CFAP54: variants seen among roughly 807,000 people sequenced by gnomAD.
CFAP54 encodes cilia- and flagella-associated protein 54.
Under a neutral mutation model 370.4 loss-of-function variants are expected in CFAP54, and 290 were observed. The ratio of observed to expected loss-of-function variants is 0.78; its 90% CI spans 0.71 to 0.86. CFAP54 has a LOEUF of 0.86. Among genes scored for constraint, CFAP54 ranks in the 40% least tolerant of loss-of-function variants. The pLI is 0.00. For synonymous variants in CFAP54, 1,206 were observed against 1,236.5 expected, an observed-to-expected ratio of 0.98 and a Z score of 0.52; for missense variants, 3,399 against 3,528.7, an observed-to-expected ratio of 0.96 and a Z score of 0.93.
intron 50 of CFAP54, among the ~76,000 whole-genome samples, chr12:96,727,152 G>A (rs1170420957): frequency 6.6e-6 from 1 of 151,828 alleles, no homozygotes; most frequent in Non-Finnish European, 1.5e-5. Context: ...TGTATATTCT[G>A]TTGATTTGGG....
intron 1 of CFAP54, among the ~76,000 whole-genome samples, chr12:96,500,102 A>G (rs1363079243): frequency 6.6e-6 from 1 of 152,216 alleles, no homozygotes; most frequent in African/African-American, 2.4e-5. Flanking sequence ...CATCCAGACA[A>G]TGGGATATTA....
intron 50 of CFAP54, among the ~76,000 whole-genome samples, chr12:96,737,649 C>A (rs10860080): frequency 0.08 from 12,078 of 151,780 alleles, 928 homozygotes; most frequent in East Asian, 0.44. Flanking sequence ...GCCACTCTAC[C>A]CAGCTAATTT....
intron 22 of CFAP54, among the ~76,000 whole-genome samples, chr12:96,587,891 T>G (rs1303178427): frequency 6.6e-6 from 1 of 152,172 alleles, no homozygotes; most frequent in East Asian, 1.9e-4. Flanking sequence ...CTCGAAGACT[T>G]GGCTTCACTA....
intron 14 of CFAP54, among the ~76,000 whole-genome samples, chr12:96,542,938 T>C (rs1392696804): frequency 6.6e-6 from 1 of 152,236 alleles, no homozygotes; most frequent in African/African-American, 2.4e-5. Flanking sequence ...TGAGTCATTA[T>C]CCTGTGGGAT....
chr12:96,707,212 C>T (rs1439122512), intron 47 of CFAP54, among the ~76,000 whole-genome samples: 1 of 151,556 alleles, frequency 6.6e-6, no homozygotes, highest in Non-Finnish European at 1.5e-5. Flanking sequence ...TCAGTAGTAT[C>T]AAATTTTGAT....
intron 60 of CFAP54, among the ~76,000 whole-genome samples, chr12:96,780,656 A>G (rs2095176354): frequency 6.6e-6 from 1 of 152,206 alleles, no homozygotes; most frequent in Non-Finnish European, 1.5e-5. Context: ...TTCAAGTTGA[A>G]AAGGCCTATT....
At position 96,644,321 on chromosome 12, in the gene CFAP54, A is replaced by G. The variant is rs1254467127; in HGVS notation, c.4460A>G (p.Tyr1487Cys). 8.5e-6 allele frequency: 13 copies of G among 1,535,864 alleles called. No individual in the cohort carries two copies. In the East Asian group the frequency reaches 1.5e-4, roughly 17 times the overall value. ...EMPWRAQMNL[Y>C]LAGAHFNLVL... is the part of the protein sequence containing the mutation. Reference sequence around the variant, plus strand: ...CCCTGGAGAGCTCAGATGAACCTGTATCTAGCAGGTGCACACTTTAACCTG... The same window carrying G: ...CCCTGGAGAGCTCAGATGAACCTGTGTCTAGCAGGTGCACACTTTAACCTG... Residue 1487 changes from tyrosine to cysteine, a missense_variant, in exon 33 of 68, where the codon TAT (tyrosine) becomes TGT (cysteine). This residue lies in a region of CFAP54 where 2,796 missense variants were observed against 2,869.7 expected (regional missense o/e 0.97). Transcript: ENST00000524981.
intron 61 of CFAP54, 48 bp downstream of exon 61, chr12:96,784,938 C>A: frequency 7.9e-7 from 1 of 1,268,452 alleles, no homozygotes. Context: ...TTCTAATTCC[C>A]ATTTAAGTCA....
chr12:96,778,937 G>A (rs941441481), intron 60 of CFAP54, among the ~76,000 whole-genome samples: 1 of 151,898 alleles, frequency 6.6e-6, no homozygotes, highest in African/African-American at 2.4e-5. Flanking sequence ...GTGAAACCCT[G>A]TCTCTACTAA....
At chr12:96,853,453 GA>G (rs1384777764) in intron 66 of CFAP54, among the ~76,000 whole-genome samples, 1 of 152,016 alleles carries the variant, frequency 6.6e-6, no homozygotes, top group Non-Finnish European at 1.5e-5. Context: ...ATGATTACAT[GA>G]ATATATTCAT....
intron 65 of CFAP54, 86 bp downstream of exon 65, chr12:96,817,999 C>G (rs1958996000): frequency 2.0e-6 from 2 of 982,914 alleles, no homozygotes; most frequent in Non-Finnish European, 2.7e-6. Context: ...GACTTAAACT[C>G]TGTAATTCTT....
chr12:96,682,207 G>A, intron 40 of CFAP54: 1 of 985,618 alleles, frequency 1.0e-6, no homozygotes, highest in Non-Finnish European at 1.2e-6. Flanking sequence ...CCTGGGGACA[G>A]AGGAGATGCA....
chr12:96,566,004 C>T (rs989155337), intron 19 of CFAP54, among the ~76,000 whole-genome samples: 8 of 152,120 alleles, frequency 5.3e-5, no homozygotes, highest in Non-Finnish European at 1.2e-4. Context: ...AAGGCTTGCC[C>T]CTTCACTGGG....
rs1314809615 is a variant in CFAP54 at position 96,786,687 on chromosome 12, C to G, written c.8468C>G (p.Pro2823Arg). 1 of 1,531,138 alleles carries G rather than the reference C, an allele frequency of 6.5e-7. No individual in the cohort carries two copies. The highest frequency in any genetic ancestry group is 2.0e-5 in the Admixed American group (1 of 50,614). 94.8% of individuals were successfully genotyped at this position (1,531,138 alleles called of 1,614,324 possible). A position where few individuals can be genotyped will look rare whatever the true frequency, so the allele number is the denominator to read the frequency against. The change falls in exon 62 of 68, where the codon CCA (proline) becomes CGA (arginine). Residue 2823 changes from proline to arginine, a missense_variant. By Grantham distance (103) the Pro-to-Arg change is moderately radical. Around this residue, in one of 3 missense-constraint regions of CFAP54, gnomAD observed 2,796 missense variants for 2,869.7 expected, o/e 0.97. Coordinates refer to ENST00000524981, the MANE Select transcript of CFAP54 (RefSeq NM_001306084.2). ...NLSKLLASATPVSGISLPDDT... is the reference protein window; with the variant it reads ...NLSKLLASATRVSGISLPDDT... ...TTTCTTTCTTAAGCATCTGCAACACCAGTATCTGGAATTTCTTTGCCAGAT... is the reference window on the plus strand; with the variant it reads ...TTTCTTTCTTAAGCATCTGCAACACGAGTATCTGGAATTTCTTTGCCAGAT...
intron 48 of CFAP54, among the ~76,000 whole-genome samples, chr12:96,712,485 G>T (rs1210634767): frequency 6.6e-6 from 1 of 151,810 alleles, no homozygotes; most frequent in Non-Finnish European, 1.5e-5. Flanking sequence ...AGGGTAATTG[G>T]GATATCCATT....
intron 56 of CFAP54, among the ~76,000 whole-genome samples, chr12:96,755,812 C>A (rs139412636): frequency 1.3e-5 from 2 of 151,714 alleles, no homozygotes; most frequent in African/African-American, 2.4e-5. Flanking sequence ...GGATTACAGG[C>A]GCGCACCACC....
At chr12:96,739,439 C>G (rs1958024245) in intron 50 of CFAP54, among the ~76,000 whole-genome samples, 1 of 152,124 alleles carries the variant, frequency 6.6e-6, no homozygotes, top group South Asian at 2.1e-4. Context: ...GAGTACATTT[C>G]CTTTCTGGCA....
chr12:96,863,823 T>C (rs1336053338), intron 67 of CFAP54, among the ~76,000 whole-genome samples: 1 of 152,182 alleles, frequency 6.6e-6, no homozygotes. Flanking sequence ...TACTTTTTCT[T>C]CACTTTCAGT....
At chr12:96,759,910 C>A (rs775776768) in intron 58 of CFAP54, among the ~76,000 whole-genome samples, 8 of 152,212 alleles carry the variant, frequency 5.3e-5, no homozygotes, top group Non-Finnish European at 1.0e-4. Flanking sequence ...CTTTATTCTT[C>A]TTCCTATTTT....
Sources: allele counts gnomAD v4.1 joint callset (sites outside exome capture counted in the v4.1 genomes callset), GRCh38; gene constraint gnomAD v4.1.1; regional missense constraint gnomAD v4.1.1; transcripts MANE v1.5; gene names NCBI Gene and HGNC (gene_info 2026-07-23, HGNC 2026-07-21).